Variants in LTA observed in about 807,000 individuals in gnomAD.
LTA encodes the protein lymphotoxin alpha.
LTA carries 6 observed loss-of-function variants against 15.1 expected under a neutral mutation model. That is an observed-to-expected ratio of 0.40 (90% CI 0.22 to 0.78). The LOEUF is 0.78. LTA is among the 30% of genes least tolerant of loss of function. LTA has a pLI of 0.38. For missense variants in LTA, 173 were observed against 249.5 expected (o/e 0.69, Z 2.06); for synonymous variants, 87 against 107.3 (o/e 0.81, Z 1.17).
chr6:31,561,801 A>G, the LTA span, among the ~76,000 whole-genome samples: 3 of 152,166 alleles, frequency 2.0e-5, no homozygotes, highest in Non-Finnish European at 4.4e-5. Flanking sequence ...ATGAGACAGT[A>G]TACAAATAAT....
chr6:31,572,643 G>A, intron 1 of LTA, 91 bp from the exon 2 acceptor site: 1 of 749,326 alleles, frequency 1.3e-6, no homozygotes, highest in Non-Finnish European at 2.2e-6. Context: ...TCGGGGGTCG[G>A]GGGGTGCTCT....
At chr6:31,562,296 G>A in the LTA span, among the ~76,000 whole-genome samples, 2 of 152,008 alleles carry the variant, frequency 1.3e-5, no homozygotes, top group Non-Finnish European at 2.9e-5. Flanking sequence ...ATGAGTGGGA[G>A]GTGAGGAAAA....
chr6:31,566,719 G>C, the LTA span, among the ~76,000 whole-genome samples: 1 of 149,720 alleles, frequency 6.7e-6, no homozygotes, highest in African/African-American at 2.5e-5. Flanking sequence ...GACGCAAGTG[G>C]ATCACCTGAG....
At chr6:31,573,194 A>G in intron 3 of LTA, 87 bp from the exon 4 acceptor site, 1 of 1,379,104 alleles carries the variant, frequency 7.3e-7, no homozygotes. Flanking sequence ...CCAGGAACTC[A>G]GTTGTTCAGT....
At chr6:31,566,531 T>C in the LTA span, among the ~76,000 whole-genome samples, 2 of 149,186 alleles carry the variant, frequency 1.3e-5, no homozygotes, top group South Asian at 2.1e-4. Flanking sequence ...TCCCAGCTAC[T>C]TGGGAGACTG....
the LTA span, among the ~76,000 whole-genome samples, chr6:31,561,183 AGAAAG>A: frequency 3.3e-5 from 5 of 152,226 alleles, no homozygotes; most frequent in Non-Finnish European, 5.9e-5. Flanking sequence ...CATGTGATGA[AGAAAG>A]GACCACAGAA....
rs548664733 is a variant in LTA at position 31,573,826 on chromosome 6, C to G, written c.*133C>G. 6.6e-6 allele frequency: 7 copies of G among 1,060,618 alleles called. No individual in the cohort carries two copies. Among genetic ancestry groups the G allele is most frequent in the Non-Finnish European group, 9.9e-6 (7 of 703,804 alleles). The allele number at this position is 1,060,618 out of a possible 1,614,324, so 65.7% of individuals were successfully genotyped here. A position where few individuals can be genotyped will look rare whatever the true frequency, so the allele number is the denominator to read the frequency against. On this transcript the variant is annotated 3_prime_UTR_variant, in exon 4 of 4. Coordinates refer to ENST00000418386, the MANE Select transcript of LTA (RefSeq NM_000595.4). ...TCCAACAGCTCAAGTCTTCCCTGATCAAGTCACCGGAGCTTTCAAAGAAGG... is the reference window on the plus strand; with the variant it reads ...TCCAACAGCTCAAGTCTTCCCTGATGAAGTCACCGGAGCTTTCAAAGAAGG...
At chr6:31,564,354 A>G in the LTA span, among the ~76,000 whole-genome samples, 3 of 151,834 alleles carry the variant, frequency 2.0e-5, no homozygotes, top group Non-Finnish European at 1.5e-5. Flanking sequence ...ATCTGGGCTC[A>G]CTGCAAGATC....
chr6:31,573,024 C>T lies in LTA; in HGVS notation c.196C>T (p.His66Tyr). 6.2e-7 allele frequency: 1 copy of T among 1,612,036 alleles called. No individual in the cohort carries two copies. Among genetic ancestry groups the T allele is most frequent in the Non-Finnish European group, 8.5e-7 (1 of 1,179,424 alleles). ...CCACAGCACCCTCAAACCTGCTGCT[C>T]ACCTCATTGGTAAACATCCACCTGA... ...LAHSTLKPAA[H>Y]LIGDPSKQNS... The change falls in exon 3 of 4, where the codon CAC (histidine) becomes TAC (tyrosine). Residue 66 changes from histidine (H) to tyrosine (Y), a missense_variant. Coordinates refer to ENST00000418386, the MANE Select transcript of LTA (RefSeq NM_000595.4).
rs368506010 is a variant in LTA, at chr6:31,573,731, C to T, written c.*38C>T. 2.2e-5 allele frequency: 35 copies of T among 1,609,648 alleles called. No homozygotes were observed. The highest frequency in any genetic ancestry group is 2.9e-5 in the Non-Finnish European group (34 of 1,177,314). On this transcript the variant is annotated 3_prime_UTR_variant, in exon 4 of 4. Coordinates refer to ENST00000418386, the MANE Select transcript of LTA (RefSeq NM_000595.4). ...TCCAGAAAGAAAAAATAATTGATTT[C>T]AAGACCTTCTCCCCATTCTGCCTCC...
chr6:31,564,776 C>T, the LTA span, among the ~76,000 whole-genome samples: 96,439 of 150,182 alleles, frequency 0.64, 31,323 homozygotes, highest in African/African-American at 0.74. Context: ...TAGCCGGGCA[C>T]GGTGGTATGC....
In LTA at chr6:31,572,398, C is replaced by T. The variant is rs1770881280; in HGVS notation, c.-58C>T. The T allele has an allele frequency of 2.1e-6, 1 of 478,882 alleles. No homozygotes were observed. Among genetic ancestry groups the T allele is most frequent in the Non-Finnish European group, 3.8e-6 (1 of 266,508 alleles). 29.7% of individuals were successfully genotyped at this position (478,882 alleles called of 1,614,324 possible). A position where few individuals can be genotyped will look rare whatever the true frequency, so the allele number is the denominator to read the frequency against. ...CTGCCCTCTGCCTGGGCCTCGGTCC[C>T]TCCTGCACCTGCTGCCTGGATCCCC... On this transcript the variant is annotated 5_prime_UTR_variant, in exon 1 of 4. Transcript: ENST00000418386.
rs1216674060 is a variant in LTA at position 31,574,119 on chromosome 6, C to T, written c.*426C>T. 3 of 341,628 alleles carry T rather than the reference C, an allele frequency of 8.8e-6. No individual in the cohort carries two copies. Among genetic ancestry groups the T allele is most frequent in the African/African-American group, 4.3e-5 (2 of 46,322 alleles). 21.2% of individuals were successfully genotyped at this position (341,628 alleles called of 1,614,324 possible). A position where few individuals can be genotyped will look rare whatever the true frequency, so the allele number is the denominator to read the frequency against. ...TGGAGAGAGGGGAATAATAGAAGAA[C>T]ATCCAAGGAGAAACAGAGACAGGCC... is the stretch of plus-strand genomic sequence containing the variant. On this transcript the variant is annotated 3_prime_UTR_variant, in exon 4 of 4. Transcript: ENST00000418386.
the LTA span, among the ~76,000 whole-genome samples, chr6:31,562,479 T>A: frequency 6.6e-6 from 1 of 152,188 alleles, no homozygotes; most frequent in South Asian, 2.1e-4. Flanking sequence ...TGAGATAGAC[T>A]GGACATTTGA....
chr6:31,564,628 G>A, the LTA span, among the ~76,000 whole-genome samples: 3 of 151,606 alleles, frequency 2.0e-5, no homozygotes, highest in Non-Finnish European at 2.9e-5. Flanking sequence ...GTAGGAGGCC[G>A]GGTGCGGTGG....
At chr6:31,569,547 C>T (rs1056738113), upstream of LTA, among the ~76,000 whole-genome samples, 1 of 152,160 alleles carries the variant, frequency 6.6e-6, no homozygotes, top group African/African-American at 2.4e-5. Context: ...AATCCCAGCA[C>T]TTTGGGAGGC....
chr6:31,565,769 C>T, the LTA span, among the ~76,000 whole-genome samples: 1 of 152,152 alleles, frequency 6.6e-6, no homozygotes, highest in African/African-American at 2.4e-5. Flanking sequence ...TAATATATCC[C>T]AAACTTGTCT....
At chr6:31,566,154 G>T in the LTA span, among the ~76,000 whole-genome samples, 5 of 151,770 alleles carry the variant, frequency 3.3e-5, no homozygotes, top group Admixed American at 6.6e-5. Flanking sequence ...CTCCAACCTG[G>T]GCAACAGAGC....
At chr6:31,565,331 G>T in the LTA span, among the ~76,000 whole-genome samples, 1 of 152,200 alleles carries the variant, frequency 6.6e-6, no homozygotes, top group Non-Finnish European at 1.5e-5. Context: ...GTAGGGAATT[G>T]AATCCAGGGA....
Sources: gnomAD v4.1 joint callset for allele counts (sites outside exome capture counted in the v4.1 genomes callset) on GRCh38, gnomAD v4.1.1 for gene constraint, MANE v1.5 for transcripts, NCBI Gene and HGNC (gene_info 2026-07-23, HGNC 2026-07-21) for gene names.